The following AOAH variants were observed in gnomAD, a reference collection of about 807,000 sequenced individuals.
AOAH encodes the protein acyloxyacyl hydrolase (neutrophil).
A neutral mutation model predicts 92.2 loss-of-function variants in AOAH; 64 were observed. The observed-to-expected ratio is 0.69, with a 90% CI of 0.57 to 0.86. The LOEUF is 0.86. Among genes scored for constraint, AOAH ranks in the 40% least tolerant of loss-of-function variants. The pLI is 0.00. For missense variants in AOAH, 656 were observed against 694.6 expected, an observed-to-expected ratio of 0.94 and a Z score of 0.62; for synonymous variants, 263 against 254.5, an observed-to-expected ratio of 1.03 and a Z score of -0.32.
intron 2 of AOAH, among the ~76,000 whole-genome samples, chr7:36,682,804 AAAAT>A (rs1446435583): frequency 2.0e-5 from 3 of 152,112 alleles, no homozygotes; most frequent in African/African-American, 4.8e-5. Flanking sequence ...TTTTAAGATA[AAAAT>A]AAATAAAGAG....
At chr7:36,695,181 T>C (rs1797637060) in intron 1 of AOAH, among the ~76,000 whole-genome samples, 1 of 152,162 alleles carries the variant, frequency 6.6e-6, no homozygotes, top group African/African-American at 2.4e-5. Flanking sequence ...AAAGAAAATA[T>C]ACCAAAATAC....
chr7:36,637,825 T>C lies in AOAH; in HGVS notation c.450+26A>G, dbSNP rs1407694100. 4 of 1,610,466 alleles carry C rather than the reference T, an allele frequency of 2.5e-6. No individual in the cohort carries two copies. The South Asian group carries it at 4.4e-5, about 18-fold the overall frequency. On this transcript the variant is annotated intron_variant, in intron 5 of 20. Coordinates refer to ENST00000617537, the MANE Select transcript of AOAH (RefSeq NM_001637.4). ...AGAGAGGACATGCCAAGGAAAAGGCTGGCGTTCTACGTGCTTAGTGCTTAC... is the reference window on the plus strand; with the variant it reads ...AGAGAGGACATGCCAAGGAAAAGGCCGGCGTTCTACGTGCTTAGTGCTTAC...
chr7:36,625,838 G>C (rs547009586), intron 6 of AOAH, among the ~76,000 whole-genome samples: 1 of 152,298 alleles, frequency 6.6e-6, no homozygotes, highest in South Asian at 2.1e-4. Flanking sequence ...AGAGAAGCTA[G>C]GGCAAGATCA....
rs192495461 is a variant in AOAH at position 36,562,527 on chromosome 7, T to A, written c.1022-13052A>T. ...GGTCCAAATGGAGAGCCCACCTGTC[T>A]CCAATGACGAGAAGAAAAGGGTCCA... On this transcript the variant is annotated intron_variant, in intron 13 of 20. Transcript: ENST00000617537. Among the ~76,000 whole-genome samples, 61 of 152,282 alleles carry A rather than the reference T, an allele frequency of 4.0e-4. No individual in the cohort carries two copies. In the East Asian group the frequency reaches 0.011, roughly 28 times the overall value.
At chr7:36,657,217 T>A (rs1243396168) in intron 4 of AOAH, among the ~76,000 whole-genome samples, 3 of 152,222 alleles carry the variant, frequency 2.0e-5, no homozygotes, top group Non-Finnish European at 4.4e-5. Context: ...GGGGAGTTTC[T>A]GAAACATTGA....
At chr7:36,549,014 G>A (rs1209385820) in intron 14 of AOAH, among the ~76,000 whole-genome samples, 1 of 152,144 alleles carries the variant, frequency 6.6e-6, no homozygotes, top group African/African-American at 2.4e-5. Context: ...GCGAGTTATT[G>A]GGTTCCTTAT....
rs1188930730 is a variant in AOAH at position 36,657,987 on chromosome 7, AT to A, written c.390+1178del. ...CACAGAGACCCATTTCTTCCTTGCAATATCAAACAGAAAATATTATGATATT... is the reference window on the plus strand; with the variant it reads ...CACAGAGACCCATTTCTTCCTTGCAAATCAAACAGAAAATATTATGATATT... On this transcript the variant is annotated intron_variant, in intron 4 of 20. Coordinates refer to ENST00000617537, the MANE Select transcript of AOAH (RefSeq NM_001637.4). Among the ~76,000 whole-genome samples, 4 of 152,174 alleles carry A rather than the reference AT, an allele frequency of 2.6e-5. No individual in the cohort carries two copies. The East Asian group carries it at 7.7e-4, about 29-fold the overall frequency.
intron 1 of AOAH, among the ~76,000 whole-genome samples, chr7:36,717,768 T>C (rs529075321): frequency 3.9e-4 from 59 of 150,656 alleles, no homozygotes; most frequent in Non-Finnish European, 3.8e-4. Flanking sequence ...AGTTAATTCC[T>C]GTTACTTGCA....
At chr7:36,689,381 G>C (rs1797247817) in intron 1 of AOAH, among the ~76,000 whole-genome samples, 1 of 152,124 alleles carries the variant, frequency 6.6e-6, no homozygotes, top group East Asian at 1.9e-4. Context: ...ATTTCTCATA[G>C]TTTTGGAGGC....
chr7:36,675,023 G>T (rs137965439), intron 2 of AOAH, among the ~76,000 whole-genome samples: 1,944 of 152,370 alleles, frequency 0.013, 34 homozygotes, highest in African/African-American at 0.044. Context: ...GGGAGGGCAA[G>T]GCGGGTAGAT....
At chr7:36,616,162 T>A (rs977133998) in intron 11 of AOAH, among the ~76,000 whole-genome samples, 1 of 152,226 alleles carries the variant, frequency 6.6e-6, no homozygotes, top group Non-Finnish European at 1.5e-5. Context: ...GCCTTCAGGG[T>A]TCCTGGCAGC....
At chr7:36,651,721 G>T (rs1343517616) in intron 4 of AOAH, among the ~76,000 whole-genome samples, 1 of 152,088 alleles carries the variant, frequency 6.6e-6, no homozygotes, top group African/African-American at 2.4e-5. Context: ...TAAAGTCCAG[G>T]GCCCTGGGTT....
rs1799825574 is a variant in AOAH at position 36,724,118 on chromosome 7, C to T, written c.31G>A (p.Ala11Thr). Residue 11 changes from alanine to threonine, a missense_variant, in exon 1 of 21, where the codon GCG becomes ACG. By Grantham distance (58) the Ala-to-Thr change is moderately conservative. Coordinates refer to ENST00000617537, the MANE Select transcript of AOAH (RefSeq NM_001637.4). ...AGAGACAGGAGCAAGAATAGAGGCGCCACCGTAAGGATTTTCCAGGGGGAC... is the reference window on the plus strand; with the variant it reads ...AGAGACAGGAGCAAGAATAGAGGCGTCACCGTAAGGATTTTCCAGGGGGAC... MQSPWKILTV[A>T]PLFLLLSLQS... The T allele has an allele frequency of 6.2e-7, 1 of 1,613,580 alleles. No homozygotes were observed. The highest frequency in any genetic ancestry group is 1.1e-5 in the South Asian group (1 of 91,056).
intron 13 of AOAH, among the ~76,000 whole-genome samples, chr7:36,557,517 T>A (rs1195905797): frequency 6.6e-6 from 1 of 152,170 alleles, no homozygotes; most frequent in Non-Finnish European, 1.5e-5. Flanking sequence ...ATTTCCTGAA[T>A]CTGAATGTTG....
intron 13 of AOAH, among the ~76,000 whole-genome samples, chr7:36,552,682 T>C (rs1786358953): frequency 1.3e-5 from 2 of 152,216 alleles, no homozygotes; most frequent in Non-Finnish European, 2.9e-5. Flanking sequence ...GACTTTTTAA[T>C]AATCGCTGCT....
intron 20 of AOAH, among the ~76,000 whole-genome samples, chr7:36,519,957 C>A (rs1784027207): frequency 6.6e-6 from 1 of 152,226 alleles, no homozygotes; most frequent in Non-Finnish European, 1.5e-5. Context: ...TTTTGGATGG[C>A]ACTTTGCCAA....
chr7:36,552,653 T>C (rs2116358565), intron 13 of AOAH, among the ~76,000 whole-genome samples: 1 of 152,306 alleles, frequency 6.6e-6, no homozygotes, highest in East Asian at 1.9e-4. Context: ...CTCCACAACC[T>C]CGCCAGCATC....
chr7:36,519,494 G>A (rs928844887), intron 20 of AOAH, among the ~76,000 whole-genome samples: 1 of 152,324 alleles, frequency 6.6e-6, no homozygotes, highest in Admixed American at 6.5e-5. Context: ...ACAATGGCAT[G>A]ATCTCAGCTC....
chr7:36,655,189 C>A (rs907206798), intron 4 of AOAH, among the ~76,000 whole-genome samples: 8 of 152,196 alleles, frequency 5.3e-5, no homozygotes, highest in Admixed American at 5.2e-4. Flanking sequence ...CTCTGCCACA[C>A]CTTCGTCATC....
Sources: allele counts gnomAD v4.1 joint callset (sites outside exome capture counted in the v4.1 genomes callset), GRCh38; gene constraint gnomAD v4.1.1; transcripts MANE v1.5; gene names NCBI Gene and HGNC (gene_info 2026-07-23, HGNC 2026-07-21).